Variants in ASIC2 observed in about 807,000 individuals in gnomAD.
The protein encoded by ASIC2 is acid-sensing ion channel 2.
A neutral mutation model predicts 57.3 loss-of-function variants in ASIC2; 25 were observed. The ratio of observed to expected loss-of-function variants is 0.44; its 90% confidence interval spans 0.32 to 0.61. The LOEUF is 0.61. Ranked by LOEUF, ASIC2 falls within the 20% of genes least tolerant of loss-of-function variation. The probability of loss-of-function intolerance (pLI) is 0.06; values close to 1 mark genes in which losing one functional copy is unlikely to be tolerated. For synonymous variants in ASIC2, 319 were observed against 307.5 expected (o/e 1.04, Z -0.39); for missense variants, 641 against 738.1 (o/e 0.87, Z 1.52).
intron 1 of ASIC2, among the ~76,000 whole-genome samples, chr17:33,239,040 T>TC (rs1908403331): frequency 6.6e-6 from 1 of 151,574 alleles, no homozygotes; most frequent in Non-Finnish European, 1.5e-5. Flanking sequence ...AAAGTCTTAG[T>TC]CCCAGCACTT....
chr17:33,523,259 T>C (rs1914794577), intron 1 of ASIC2, among the ~76,000 whole-genome samples: 1 of 152,168 alleles, frequency 6.6e-6, no homozygotes, highest in African/African-American at 2.4e-5. Context: ...CTTTATTTTT[T>C]ATGTATTTAC....
At chr17:33,487,899 C>T (rs1318988150) in intron 1 of ASIC2, among the ~76,000 whole-genome samples, 1 of 152,194 alleles carries the variant, frequency 6.6e-6, no homozygotes, top group East Asian at 1.9e-4. Flanking sequence ...TGGCAAAAGA[C>T]TGAAGGATGC....
chr17:33,214,746 G>A (rs556436390), intron 1 of ASIC2, among the ~76,000 whole-genome samples: 1 of 152,322 alleles, frequency 6.6e-6, no homozygotes, highest in South Asian at 2.1e-4. Flanking sequence ...GTCACCTGGA[G>A]GGAATGACAG....
Position 33,310,815 on chromosome 17 carries a change from A to G in ASIC2, c.556-198748T>C, listed in dbSNP as rs570628379. 9.9e-4 allele frequency among the ~76,000 whole-genome samples: 151 copies of G among 152,366 alleles called. 1 individual carries two copies. Among genetic ancestry groups the G allele is most frequent in the African/African-American group, 3.5e-3 (144 of 41,598 alleles). On this transcript the variant is annotated intron_variant, in intron 1 of 9. Coordinates refer to the ASIC2 transcript ENST00000359872. Reference sequence around the variant, plus strand: ...AGGAAAACTTTTCTTATCCAAATATATAGATAGATATAGGTAAGAGATAGA... The same window carrying G: ...AGGAAAACTTTTCTTATCCAAATATGTAGATAGATATAGGTAAGAGATAGA...
intron 1 of ASIC2, among the ~76,000 whole-genome samples, chr17:33,304,167 T>C (rs1285120223): frequency 6.6e-6 from 1 of 152,188 alleles, no homozygotes; most frequent in Non-Finnish European, 1.5e-5. Flanking sequence ...GAAAAGAACA[T>C]GACAAGGATG....
chr17:33,991,991 G>A (rs1276997237), intron 1 of ASIC2, among the ~76,000 whole-genome samples: 1 of 152,162 alleles, frequency 6.6e-6, no homozygotes, highest in Non-Finnish European at 1.5e-5. Context: ...GATTGGCCCA[G>A]TAGCAGAGTA....
intron 1 of ASIC2, among the ~76,000 whole-genome samples, chr17:33,789,319 T>C (rs1215499088): frequency 6.6e-6 from 1 of 152,218 alleles, no homozygotes; most frequent in Admixed American, 6.5e-5. Flanking sequence ...GATTGACATT[T>C]GCTGATTCCT....
At chr17:34,016,801 A>G (rs1323488537) in intron 1 of ASIC2, among the ~76,000 whole-genome samples, 1 of 152,214 alleles carries the variant, frequency 6.6e-6, no homozygotes, top group Non-Finnish European at 1.5e-5. Flanking sequence ...TATCATGTTT[A>G]TATGTTACTT....
chr17:34,091,568 G>A (rs1037619655), intron 1 of ASIC2, among the ~76,000 whole-genome samples: 9 of 152,208 alleles, frequency 5.9e-5, no homozygotes, highest in South Asian at 2.1e-4. Context: ...AAAGTGCTCC[G>A]TGACAGGTCA....
intron 1 of ASIC2, among the ~76,000 whole-genome samples, chr17:33,387,018 G>C (rs573220405): frequency 2.6e-5 from 4 of 151,944 alleles, no homozygotes; most frequent in Admixed American, 1.3e-4. Flanking sequence ...TTAGAGTTTA[G>C]CTGGGTTTAC....
chr17:33,561,031 AG>A (rs1476183097), intron 1 of ASIC2, among the ~76,000 whole-genome samples: 1 of 152,072 alleles, frequency 6.6e-6, no homozygotes, highest in East Asian at 1.9e-4. Flanking sequence ...AAATTTTCAG[AG>A]GTCAAGCCTT....
intron 1 of ASIC2, among the ~76,000 whole-genome samples, chr17:34,024,774 T>C (rs1408889835): frequency 6.6e-6 from 1 of 152,164 alleles, no homozygotes; most frequent in East Asian, 1.9e-4. Context: ...AGGAACTGGA[T>C]TTCAGAGTCC....
intron 1 of ASIC2, among the ~76,000 whole-genome samples, chr17:33,527,004 G>A (rs375851357): frequency 1.2e-4 from 19 of 152,120 alleles, no homozygotes; most frequent in African/African-American, 4.1e-4. Flanking sequence ...TTTATATTTC[G>A]GGGGTGATGC....
chr17:33,264,871 C>A (rs1182757644), intron 1 of ASIC2, among the ~76,000 whole-genome samples: 1 of 152,224 alleles, frequency 6.6e-6, no homozygotes, highest in Non-Finnish European at 1.5e-5. Flanking sequence ...AAAGTATGAA[C>A]TGAATCAGAA....
At chr17:33,839,470 A>G (rs1287056248) in intron 1 of ASIC2, among the ~76,000 whole-genome samples, 1 of 152,008 alleles carries the variant, frequency 6.6e-6, no homozygotes, top group Non-Finnish European at 1.5e-5. Context: ...TCATTTATTT[A>G]TTGTCTCCCA....
At chr17:34,136,827 C>T (rs893778263) in intron 1 of ASIC2, among the ~76,000 whole-genome samples, 3 of 152,166 alleles carry the variant, frequency 2.0e-5, no homozygotes, top group Admixed American at 2.0e-4. Flanking sequence ...TCAGCACAGA[C>T]AATACTCAAA....
At chr17:33,291,181 A>G in intron 1 of ASIC2, 1 of 873,216 alleles carries the variant, frequency 1.1e-6, no homozygotes, top group Non-Finnish European at 1.6e-6. Flanking sequence ...GGGCTGGGAC[A>G]GGGGAGCTCC....
intron 1 of ASIC2, among the ~76,000 whole-genome samples, chr17:33,261,697 C>G (rs185079975): frequency 6.6e-6 from 1 of 152,276 alleles, no homozygotes; most frequent in East Asian, 1.9e-4. Flanking sequence ...TTATATGAGC[C>G]ACACAACAGA....
chr17:34,097,316 G>C (rs1364315772), intron 1 of ASIC2, among the ~76,000 whole-genome samples: 6 of 152,174 alleles, frequency 3.9e-5, no homozygotes, highest in African/African-American at 1.4e-4. Context: ...ACAAGAAGTA[G>C]GATGCAGGAA....
Sources: gnomAD v4.1 joint callset for allele counts (sites outside exome capture counted in the v4.1 genomes callset) on GRCh38, gnomAD v4.1.1 for gene constraint, MANE v1.5 for transcripts, NCBI Gene and HGNC (gene_info 2026-07-23, HGNC 2026-07-21) for gene names.